NRBF2: variants seen among roughly 807,000 people sequenced by gnomAD.
NRBF2 encodes nuclear receptor binding factor 2.
Under a neutral mutation model 28.5 loss-of-function variants are expected in NRBF2, and 12 were observed. The observed-to-expected ratio is 0.42, with a 90% confidence interval of 0.27 to 0.68. NRBF2 has a LOEUF of 0.68. Among genes scored for constraint, NRBF2 ranks in the 30% least tolerant of loss-of-function variants. The pLI, the probability that NRBF2 is intolerant of heterozygous loss-of-function variation, is 0.24. For synonymous variants in NRBF2, 102 were observed against 116.5 expected (o/e 0.88, Z 0.80); for missense variants, 274 against 333.5 (o/e 0.82, Z 1.39).
At chr10:63,145,361 A>G (rs947849929) in intron 1 of NRBF2, among the ~76,000 whole-genome samples, 1 of 152,106 alleles carries the variant, frequency 6.6e-6, no homozygotes, top group African/African-American at 2.4e-5. Flanking sequence ...GGCGTGAGCC[A>G]CTGCGCCCAG....
chr10:63,146,562 A>T, intron 2 of NRBF2, among the ~76,000 whole-genome samples: 1 of 152,226 alleles, frequency 6.6e-6, no homozygotes, highest in East Asian at 1.9e-4. Context: ...GCTGATTGTA[A>T]CAAGTCTGCC....
intron 2 of NRBF2, among the ~76,000 whole-genome samples, chr10:63,149,070 G>A (rs1841607263): frequency 6.6e-6 from 1 of 152,190 alleles, no homozygotes; most frequent in Non-Finnish European, 1.5e-5. Context: ...TGTATGCGTT[G>A]GGACCAGTTT....
intron 1 of NRBF2, among the ~76,000 whole-genome samples, chr10:63,139,498 T>C (rs1841429514): frequency 6.6e-6 from 1 of 152,230 alleles, no homozygotes; most frequent in African/African-American, 2.4e-5. Context: ...ACCTAGTTGT[T>C]GTAGTTAGGA....
At chr10:63,133,954 C>T (rs1165867322) in intron 1 of NRBF2, among the ~76,000 whole-genome samples, 3 of 150,324 alleles carry the variant, frequency 2.0e-5, no homozygotes, top group African/African-American at 7.3e-5. Context: ...CCTCCTCACC[C>T]TCCACTTCCC....
chr10:63,147,991 A>G (rs552508837), intron 2 of NRBF2, among the ~76,000 whole-genome samples: 1 of 152,314 alleles, frequency 6.6e-6, no homozygotes, highest in South Asian at 2.1e-4. Flanking sequence ...AAGACGATGT[A>G]CCATGTTTAA....
chr10:63,151,449 T>C (rs1451134673), intron 2 of NRBF2, among the ~76,000 whole-genome samples: 1 of 152,238 alleles, frequency 6.6e-6, no homozygotes, highest in Non-Finnish European at 1.5e-5. Flanking sequence ...GGACTAGTAG[T>C]GTAGTTCACA....
At chr10:63,149,088 T>G (rs1417215688) in intron 2 of NRBF2, among the ~76,000 whole-genome samples, 1 of 152,206 alleles carries the variant, frequency 6.6e-6, no homozygotes. Context: ...TTTAACAGAT[T>G]CCTGTTAGAA....
chr10:63,136,351 G>A (rs1456050754), intron 1 of NRBF2, among the ~76,000 whole-genome samples: 2 of 152,090 alleles, frequency 1.3e-5, no homozygotes, highest in African/African-American at 4.8e-5. Flanking sequence ...GTATCTAGTT[G>A]ACTCAAGATG....
At chr10:63,144,902 GTGTT>G (rs953009661) in intron 1 of NRBF2, among the ~76,000 whole-genome samples, 5 of 152,206 alleles carry the variant, frequency 3.3e-5, no homozygotes, top group African/African-American at 9.6e-5. Context: ...TAAATCGTGT[GTGTT>G]TGTTACTGAG....
At chr10:63,135,403 G>T (rs540676574) in intron 1 of NRBF2, among the ~76,000 whole-genome samples, 20 of 152,178 alleles carry the variant, frequency 1.3e-4, no homozygotes, top group South Asian at 6.2e-4. Context: ...AATAACCCCC[G>T]CCAACTGCCC....
At chr10:63,139,305 G>A (rs969137156) in intron 1 of NRBF2, among the ~76,000 whole-genome samples, 6 of 152,122 alleles carry the variant, frequency 3.9e-5, no homozygotes, top group South Asian at 2.1e-4. Context: ...GAGCCACCAC[G>A]CCTGGCCTGG....
intron 3 of NRBF2, among the ~76,000 whole-genome samples, chr10:63,152,958 T>C (rs1161619050): frequency 2.0e-5 from 3 of 152,334 alleles, no homozygotes; most frequent in Admixed American, 6.5e-5. Context: ...ACTGCGCCAT[T>C]GCACTTCAGC....
intron 1 of NRBF2, among the ~76,000 whole-genome samples, chr10:63,133,933 G>A (rs1316173107): frequency 6.9e-6 from 1 of 145,802 alleles, no homozygotes; most frequent in Non-Finnish European, 1.5e-5. Flanking sequence ...GAGAGGTGGA[G>A]GAGTGAATAG....
At chr10:63,134,256 A>G (rs918079395) in intron 1 of NRBF2, among the ~76,000 whole-genome samples, 2 of 152,128 alleles carry the variant, frequency 1.3e-5, no homozygotes, top group African/African-American at 2.4e-5. Context: ...ACACAACAGA[A>G]CCCCACTAAC....
intron 1 of NRBF2, among the ~76,000 whole-genome samples, chr10:63,145,883 T>C (rs899666765): frequency 6.6e-6 from 1 of 152,150 alleles, no homozygotes; most frequent in Non-Finnish European, 1.5e-5. Flanking sequence ...ATCAAGAAAA[T>C]AGACATTTTG....
chr10:63,154,291 A>G lies in NRBF2; in HGVS notation c.*73A>G. 1 of 1,006,946 alleles carries G rather than the reference A, an allele frequency of 9.9e-7. No homozygotes were observed. Among genetic ancestry groups the G allele is most frequent in the South Asian group, 1.6e-5 (1 of 61,102 alleles). The allele number at this position is 1,006,946 out of a possible 1,614,324, so 62.4% of individuals were successfully genotyped here. ...GTTAATCCAGCAAAAAGAAATGAAA[A>G]GGGAAAACCACATAGAAGGGTAATC... On this transcript the variant is annotated 3_prime_UTR_variant, in exon 4 of 4. Transcript: ENST00000277746.
intron 2 of NRBF2, among the ~76,000 whole-genome samples, chr10:63,148,738 G>A (rs1213654872): frequency 2.0e-5 from 3 of 152,216 alleles, no homozygotes; most frequent in Non-Finnish European, 4.4e-5. Context: ...GGAAAGGTAG[G>A]ATCTACTCTT....
chr10:63,138,482 G>A (rs1475490657), intron 1 of NRBF2, among the ~76,000 whole-genome samples: 5 of 122,594 alleles, frequency 4.1e-5, no homozygotes, highest in Non-Finnish European at 9.4e-5. Flanking sequence ...AGACCTTGTC[G>A]CAAAAAAAAA....
In NRBF2 at chr10:63,154,061, C is replaced by G; in HGVS notation, c.707C>G (p.Thr236Ser). Reference sequence around the variant, plus strand: ...TGGAGCTTGCCACCACATGCAGAAACTGCTACAGCCTCCTCAACCTGGCAG... The same window carrying G: ...TGGAGCTTGCCACCACATGCAGAAAGTGCTACAGCCTCCTCAACCTGGCAG... ...ELWSLPPHAE[T>S]ATASSTWQKF... The change falls in exon 4 of 4, where the codon ACT becomes AGT. Residue 236 changes from threonine to serine, a missense_variant. Physicochemically the swap from Thr to Ser is moderately conservative, Grantham distance 58. Transcript: ENST00000277746. The G allele has an allele frequency of 6.2e-7, 1 of 1,613,454 alleles. No homozygotes were observed. The highest frequency in any genetic ancestry group is 8.5e-7 in the Non-Finnish European group (1 of 1,179,872).
Sources: gnomAD v4.1 joint callset for allele counts (sites outside exome capture counted in the v4.1 genomes callset) on GRCh38, gnomAD v4.1.1 for gene constraint, MANE v1.5 for transcripts, NCBI Gene and HGNC (gene_info 2026-07-23, HGNC 2026-07-21) for gene names.